DOP1B: variants seen among roughly 807,000 people sequenced by gnomAD.
The protein encoded by DOP1B is DOP1 leucine zipper like protein B, also known as protein DOP1B.
DOP1B carries 174 observed loss-of-function variants against 233.5 expected under a neutral mutation model. That is an observed-to-expected ratio of 0.75 (90% CI 0.66 to 0.85). DOP1B has a LOEUF of 0.85. Ranked by LOEUF, DOP1B falls within the 40% of genes least tolerant of loss-of-function variation. The pLI, the probability that DOP1B is intolerant of heterozygous loss-of-function variation, is 0.00. For missense variants in DOP1B, 2,652 were observed against 2,846.6 expected (o/e 0.93, Z 1.56); for synonymous variants, 1,190 against 1,185.6 (o/e 1.00, Z -0.08).
In DOP1B at chr21:36,285,599, G is replaced by T. The variant is rs570295725; in HGVS notation, c.6161-2415G>T. Among the ~76,000 whole-genome samples the T allele has an allele frequency of 3.4e-3, 518 of 152,216 alleles. 1 individual carries two copies. Among genetic ancestry groups the T allele is most frequent in the Middle Eastern group, 6.8e-3 (2 of 294 alleles). ...AGAGTGTCCTCTGCCAGAGCTGTGG[G>T]ACACTGAACTTGCCTGGAGATGCCC... On this transcript the variant is annotated intron_variant, in intron 32 of 36. Transcript: ENST00000691173.
intron 15 of DOP1B, among the ~76,000 whole-genome samples, chr21:36,237,016 C>T (rs967640559): frequency 6.6e-6 from 1 of 152,102 alleles, no homozygotes; most frequent in Non-Finnish European, 1.5e-5. Context: ...AACTCCTGAC[C>T]TCAGGTGATC....
At position 36,284,274 on chromosome 21, in the gene DOP1B, T is replaced by TC. The variant is rs1357233490; in HGVS notation, c.6160+2663_6160+2664insC. On this transcript the variant is annotated intron_variant, in intron 32 of 36. Transcript: ENST00000691173. ...CACCTGTTCCTTCTTTCTTTTTTTT[T>TC]TTTTTTTTTTTTTTGAGACGGAGTC... Among the ~76,000 whole-genome samples, 250 of 126,694 alleles carry TC rather than the reference T, an allele frequency of 2.0e-3. 2 individuals are homozygous for TC. The highest frequency in any genetic ancestry group is 7.1e-3 in the African/African-American group (230 of 32,372). 83.1% of individuals were successfully genotyped at this position (126,694 alleles called of 152,430 possible). A position where few individuals can be genotyped will look rare whatever the true frequency, so the allele number is the denominator to read the frequency against.
At chr21:36,251,498 C>T (rs1045419525) in intron 22 of DOP1B, among the ~76,000 whole-genome samples, 1 of 152,226 alleles carries the variant, frequency 6.6e-6, no homozygotes, top group African/African-American at 2.4e-5. Flanking sequence ...TGGCTCACTG[C>T]ACCCTCCACC....
At chr21:36,175,397 C>T (rs1183288809) in intron 2 of DOP1B, among the ~76,000 whole-genome samples, 4 of 152,094 alleles carry the variant, frequency 2.6e-5, no homozygotes, top group Admixed American at 6.6e-5. Context: ...AGGCGTGAGC[C>T]ACCACGCCTG....
chr21:36,219,516 A>G, intron 10 of DOP1B, 24 bp downstream of exon 10: 2 of 1,609,874 alleles, frequency 1.2e-6, no homozygotes, highest in Non-Finnish European at 8.5e-7. Flanking sequence ...CTTGAACCTC[A>G]CGCATCTCTC....
intron 21 of DOP1B, among the ~76,000 whole-genome samples, chr21:36,250,166 A>G (rs933930778): frequency 2.6e-5 from 4 of 152,138 alleles, no homozygotes; most frequent in African/African-American, 4.8e-5. Flanking sequence ...GGGACCCCAC[A>G]TTAGTCCCTC....
At chr21:36,270,401 A>G (rs535665928) in intron 27 of DOP1B, among the ~76,000 whole-genome samples, 1 of 151,610 alleles carries the variant, frequency 6.6e-6, no homozygotes, top group Admixed American at 6.6e-5. Context: ...AAAAGTAAAA[A>G]AATCAGCTGG....
At chr21:36,200,870 T>G (rs1601406135) in intron 4 of DOP1B, among the ~76,000 whole-genome samples, 3 of 148,480 alleles carry the variant, frequency 2.0e-5, no homozygotes, top group African/African-American at 2.5e-5. Context: ...GGGAAGGAAG[T>G]GCAGAGACAT....
rs2066831332 is a variant in DOP1B, at chr21:36,236,757, T to C, written c.2623-505T>C. Reference sequence around the variant, plus strand: ...GACTTTGGTGGGTTTTTCCTTTTTTTCTTTTTTCTTTTTCTTTTTCTTTTT... The same window carrying C: ...GACTTTGGTGGGTTTTTCCTTTTTTCCTTTTTTCTTTTTCTTTTTCTTTTT... On this transcript the variant is annotated intron_variant, in intron 15 of 36. Coordinates refer to ENST00000691173, the MANE Select transcript of DOP1B (RefSeq NM_001320714.2). Among the ~76,000 whole-genome samples, 3 of 149,658 alleles carry C rather than the reference T, an allele frequency of 2.0e-5. No individual in the cohort carries two copies. The East Asian group carries it at 5.9e-4, about 30-fold the overall frequency.
intron 15 of DOP1B, among the ~76,000 whole-genome samples, chr21:36,235,380 A>T (rs1486313015): frequency 6.6e-6 from 1 of 152,094 alleles, no homozygotes; most frequent in Non-Finnish European, 1.5e-5. Flanking sequence ...CAGATTTCAG[A>T]TAACTAAGAC....
chr21:36,198,924 A>T, intron 2 of DOP1B, 146 bp from the exon 3 acceptor site: 1 of 794,694 alleles, frequency 1.3e-6, no homozygotes, highest in Non-Finnish European at 1.9e-6. Flanking sequence ...CTCGCCATGC[A>T]GTCCCTCTGC....
chr21:36,165,029 C>T (rs1051457433), intron 2 of DOP1B, among the ~76,000 whole-genome samples, 158 bp downstream of exon 2: 1 of 151,450 alleles, frequency 6.6e-6, no homozygotes, highest in African/African-American at 2.4e-5. Flanking sequence ...AAGGAAATAC[C>T]ATTATATATA....
intron 2 of DOP1B, among the ~76,000 whole-genome samples, chr21:36,177,382 G>T (rs1369961366): frequency 1.3e-5 from 2 of 152,188 alleles, no homozygotes; most frequent in African/African-American, 4.8e-5. Flanking sequence ...ATAATTTGTA[G>T]CCAGGATAGT....
intron 9 of DOP1B, 142 bp from the exon 10 acceptor site, chr21:36,219,225 AAAGTT>A: frequency 2.7e-6 from 3 of 1,109,620 alleles, no homozygotes; most frequent in Non-Finnish European, 3.8e-6. Context: ...TGTCACCAGT[AAAGTT>A]AAGTTTCTGT....
At chr21:36,177,715 G>C (rs2123423379) in intron 2 of DOP1B, among the ~76,000 whole-genome samples, 1 of 152,320 alleles carries the variant, frequency 6.6e-6, no homozygotes, top group South Asian at 2.1e-4. Flanking sequence ...GCTAGCATTA[G>C]CATGCTCGGC....
rs141664287 is a variant in DOP1B at position 36,218,951 on chromosome 21, G to A, written c.1130-421G>A. ...TCTCTGGATATTTCTGTTGAGTAACGTCCCTGGCCAGCAGTTTATGCACAC... is the reference window on the plus strand; with the variant it reads ...TCTCTGGATATTTCTGTTGAGTAACATCCCTGGCCAGCAGTTTATGCACAC... On this transcript the variant is annotated intron_variant, in intron 9 of 36. Transcript: ENST00000691173. 8.4e-3 allele frequency among the ~76,000 whole-genome samples: 1,286 copies of A among 152,276 alleles called. 17 individuals carry two copies. The highest frequency in any genetic ancestry group is 0.029 in the African/African-American group (1,197 of 41,544).
At chr21:36,227,544 C>CA (rs11431401) in intron 12 of DOP1B, 142 bp from the exon 13 acceptor site, 239,590 of 710,950 alleles carry the variant, frequency 0.34, 33,389 homozygotes, top group African/African-American at 0.43. Context: ...AAGACTCTGT[C>CA]AAAAAAAAAG....
intron 5 of DOP1B, among the ~76,000 whole-genome samples, chr21:36,209,392 A>G (rs2066466626): frequency 6.6e-6 from 1 of 152,134 alleles, no homozygotes; most frequent in Admixed American, 6.5e-5. Flanking sequence ...CCAAAGTGGC[A>G]TTAAGATTCA....
Position 36,278,037 on chromosome 21 carries a change from A to C in DOP1B, c.5775A>C (p.Leu1925Phe), listed in dbSNP as rs933280754. ...RSDEKEKAVP[L>F]ISRLLYYVFP... ...ATGAGAAGGAGAAAGCTGTGCCGTT[A>C]ATCTCCCGTCTGCTTTACTATGTTT... Residue 1925 changes from leucine to phenylalanine, a missense_variant, in exon 29 of 37, where the codon TTA becomes TTC. Coordinates refer to ENST00000691173, the MANE Select transcript of DOP1B (RefSeq NM_001320714.2). 5 of 1,614,078 alleles carry C rather than the reference A, an allele frequency of 3.1e-6. No individual in the cohort carries two copies. The highest frequency in any genetic ancestry group is 3.3e-4 in the Middle Eastern group (2 of 6,062).
Sources: gnomAD v4.1 joint callset for allele counts (sites outside exome capture counted in the v4.1 genomes callset) on GRCh38, gnomAD v4.1.1 for gene constraint, MANE v1.5 for transcripts, NCBI Gene and HGNC (gene_info 2026-07-23, HGNC 2026-07-21) for gene names.